The following PRC1 variants were observed in gnomAD, a reference collection of about 807,000 sequenced individuals.
PRC1 encodes protein regulator of cytokinesis 1.
A neutral mutation model predicts 91.2 loss-of-function variants in PRC1; 54 were observed. The ratio of observed to expected loss-of-function variants is 0.59; its 90% CI spans 0.48 to 0.74. PRC1 has a LOEUF of 0.74. Among genes scored for constraint, PRC1 ranks in the 30% least tolerant of loss-of-function variants. PRC1 has a pLI of 0.00. For missense variants in PRC1, 727 were observed against 746.2 expected, an observed-to-expected ratio of 0.97 and a Z score of 0.30; for synonymous variants, 275 against 263.6, an observed-to-expected ratio of 1.04 and a Z score of -0.42.
intron 6 of PRC1, 190 bp from the exon 7 acceptor site, chr15:90,980,579 C>T (rs566191843): frequency 8.5e-5 from 60 of 709,154 alleles, no homozygotes; most frequent in Admixed American, 1.6e-4. Flanking sequence ...AGTGCAGTGG[C>T]GCGATTCTGG....
intron 1 of PRC1, among the ~76,000 whole-genome samples, chr15:90,989,492 C>T (rs1296297902): frequency 1.3e-5 from 2 of 150,676 alleles, no homozygotes; most frequent in Non-Finnish European, 3.0e-5. Flanking sequence ...GCAATCCTCC[C>T]ACCTCGGCCT....
intron 11 of PRC1, among the ~76,000 whole-genome samples, chr15:90,972,329 G>C (rs888522739): frequency 1.3e-5 from 2 of 152,026 alleles, no homozygotes; most frequent in Admixed American, 6.6e-5. Context: ...GCTGCAGTGA[G>C]CCATGATGGC....
At chr15:90,969,239 T>TTAAA in intron 13 of PRC1, 119 bp from the exon 14 acceptor site, 1 of 1,264,304 alleles carries the variant, frequency 7.9e-7, no homozygotes. Context: ...AGGATCCAGG[T>TTAAA]TAAATGTCTA....
In PRC1 at chr15:90,967,004, C is replaced by A. The variant is rs1024418911; in HGVS notation, c.*127G>T. 5.2e-6 allele frequency: 4 copies of A among 773,598 alleles called. No homozygotes were observed. Among genetic ancestry groups the A allele is most frequent in the African/African-American group, 3.5e-5 (2 of 57,632 alleles). The allele number at this position is 773,598 out of a possible 1,614,324, so 47.9% of individuals were successfully genotyped here. On this transcript the variant is annotated 3_prime_UTR_variant, in exon 15 of 15. Transcript: ENST00000394249. The stretch of plus-strand genomic sequence containing the variant: ...CACTCATTCACATCTTTAAGTTAGG[C>A]CCATGGTCATGGAACCTGGCCAAGG...
intron 1 of PRC1, among the ~76,000 whole-genome samples, chr15:90,989,051 G>A (rs766320077): frequency 1.3e-5 from 2 of 152,032 alleles, no homozygotes; most frequent in Non-Finnish European, 2.9e-5. Context: ...TGGCCAATAA[G>A]CACATGAAAA....
At chr15:90,969,206 G>A in intron 13 of PRC1, 86 bp from the exon 14 acceptor site, 1 of 1,418,114 alleles carries the variant, frequency 7.1e-7, no homozygotes, top group Non-Finnish European at 9.9e-7. Flanking sequence ...CCTGCAGCCA[G>A]GGAATGGTAT....
At chr15:90,970,914 A>T (rs1253924089) in intron 11 of PRC1, among the ~76,000 whole-genome samples, 1 of 152,258 alleles carries the variant, frequency 6.6e-6, no homozygotes, top group Non-Finnish European at 1.5e-5. Context: ...AGGTAAGTGG[A>T]CAAGCAAACT....
chr15:90,974,218 G>A lies in PRC1; in HGVS notation c.1379C>T (p.Thr460Ile). Residue 460 changes from threonine to isoleucine, a missense_variant, in exon 11 of 15, where the codon ACA (threonine) becomes ATA (isoleucine). Physicochemically the swap from Thr to Ile is moderately conservative, Grantham distance 89. Coordinates refer to ENST00000394249, the MANE Select transcript of PRC1 (RefSeq NM_003981.4). This position sits in a 1 kb window ranked among gnomAD's most constrained non-coding sequence, Gnocchi z 4.6. The stretch of plus-strand genomic sequence containing the variant: ...AGGAGCGCTGCCATACAGCATCTCT[G>A]TCTCTGTCTGTTTTTTGTTCTTCAG... ...RQLKNKKQTE[T>I]EMLYGSAPRT... 3 of 1,614,178 alleles carry A rather than the reference G, an allele frequency of 1.9e-6. No individual in the cohort carries two copies. The highest frequency in any genetic ancestry group is 2.5e-6 in the Non-Finnish European group (3 of 1,180,004).
intron 9 of PRC1, among the ~76,000 whole-genome samples, chr15:90,976,384 A>C (rs566429128): frequency 1.4e-5 from 2 of 141,744 alleles, no homozygotes; most frequent in Non-Finnish European, 3.2e-5. Flanking sequence ...CCTCATGATC[A>C]AGACCAGGCT....
chr15:90,981,660 G>A lies in PRC1; in HGVS notation c.511C>T (p.Arg171Cys), dbSNP rs573547983. The A allele has an allele frequency of 1.4e-5, 23 of 1,613,182 alleles. 1 individual carries two copies. In the East Asian group the frequency reaches 1.6e-4, roughly 11 times the overall value. ...TTLRETKASR[R>C]EEFVSIKRQI... ...CTCTTTATACTGACAAACTCCTCAC[G>A]CCTAGAAGCCTTTAAAACAAAGCAA... The change falls in exon 5 of 15, where the codon CGT becomes TGT. Residue 171 changes from arginine (R) to cysteine (C), a missense_variant. Arg to Cys is a radical substitution (Grantham distance 180). Coordinates refer to ENST00000394249, the MANE Select transcript of PRC1 (RefSeq NM_003981.4).
chr15:90,967,470 CATACAGTCATGCACTGCATAATGA>C (rs1431135461), intron 14 of PRC1: 25 of 494,532 alleles, frequency 5.1e-5, no homozygotes, highest in Non-Finnish European at 8.5e-5. Context: ...AGAAATCCTT[CATACAGTCATGCACTGCATAATGA>C]TGTTTCAGTT....
In PRC1 at chr15:90,994,492, A is replaced by G; in HGVS notation, c.-75T>C. On this transcript the variant is annotated 5_prime_UTR_variant, in exon 1 of 15. Coordinates refer to ENST00000394249, the MANE Select transcript of PRC1 (RefSeq NM_003981.4). ...GGCCCCGAGAGCAACAACCACCCGC[A>G]AACACCGGCGATGTCACTCCGCGTA... 2 of 1,537,210 alleles carry G rather than the reference A, an allele frequency of 1.3e-6. No individual in the cohort carries two copies. The highest frequency in any genetic ancestry group is 1.8e-5 in the Admixed American group (1 of 54,326).
chr15:90,978,753 CA>C (rs869065052), intron 8 of PRC1, among the ~76,000 whole-genome samples: 43 of 39,702 alleles, frequency 1.1e-3, no homozygotes, highest in Non-Finnish European at 1.6e-3. Flanking sequence ...AACTCCACCT[CA>C]AAAAAAAAAA....
chr15:90,974,132 T>C lies in PRC1; in HGVS notation c.1461+4A>G, dbSNP rs747259704. The C allele has an allele frequency of 2.5e-6, 4 of 1,612,280 alleles. No individual in the cohort carries two copies. In the African/African-American group the frequency reaches 5.3e-5, roughly 22 times the overall value. The stretch of plus-strand genomic sequence containing the variant: ...ATCAGTGTTTCCCTAAGCCTTGTGT[T>C]TACCTTACGTGCTTTGCCCGGTGTA... On this transcript the variant is annotated splice_donor_region_variant and intron_variant, in intron 11 of 14. Transcript: ENST00000394249. The surrounding 1 kb of genome is among the most constrained non-coding windows in gnomAD (Gnocchi z 4.6).
At position 90,984,127 on chromosome 15, in the gene PRC1, A is replaced by G. The variant is rs765378152; in HGVS notation, c.158T>C (p.Met53Thr). 3.7e-6 allele frequency: 6 copies of G among 1,613,986 alleles called. No individual in the cohort carries two copies. Residue 53 changes from methionine to threonine, a missense_variant, in exon 3 of 15, where the codon ATG becomes ACG. By Grantham distance (81) the Met-to-Thr change is moderately conservative. Coordinates refer to ENST00000394249, the MANE Select transcript of PRC1 (RefSeq NM_003981.4). The surrounding 1 kb of genome is among the most constrained non-coding windows in gnomAD (Gnocchi z 5.1). ...CAGGCTTTCCTCTTCAGCAATCATC[A>G]TATCCAGGAGTTCCTACAAGAGGGA... is the stretch of plus-strand genomic sequence containing the variant. ...VKKHIKELLD[M>T]MIAEEESLKE... is the part of the protein sequence containing the mutation.
At chr15:90,987,104 C>T (rs1310260847) in intron 1 of PRC1, among the ~76,000 whole-genome samples, 30 of 118,652 alleles carry the variant, frequency 2.5e-4, no homozygotes, top group South Asian at 1.4e-3. Context: ...TGAGACTCTG[C>T]GTCTTAAAAA....
intron 11 of PRC1, among the ~76,000 whole-genome samples, chr15:90,973,319 G>A (rs1330057422): frequency 5.9e-5 from 9 of 152,242 alleles, no homozygotes; most frequent in Non-Finnish European, 1.0e-4. Flanking sequence ...TTAACAATAT[G>A]TTTACAGGCA....
At position 90,994,417 on chromosome 15, in the gene PRC1, TGGC is replaced by T. The variant is rs752547315; in HGVS notation, c.-3_-1del. The T allele has an allele frequency of 1.9e-6, 3 of 1,611,510 alleles. No individual in the cohort carries two copies. The highest frequency in any genetic ancestry group is 1.1e-5 in the South Asian group (1 of 90,708). On this transcript the variant is annotated 5_prime_UTR_variant, in exon 1 of 15. Transcript: ENST00000394249. ...CCCCGCAACCCGCACCTTCTCCTCA[TGGC>T]GGACGCTCCAAGCAGCCGTGAGTCC... is the stretch of plus-strand genomic sequence containing the variant.
In PRC1 at chr15:90,981,918, G is replaced by A. The variant is rs1020079549; in HGVS notation, c.331C>T (p.Arg111Ter). The A allele has an allele frequency of 6.8e-6, 11 of 1,613,910 alleles. No homozygotes were observed. Among genetic ancestry groups the A allele is most frequent in the South Asian group, 1.1e-5 (1 of 91,078 alleles). ...TGTTTTCTCTCCTTTTTCTGTTTTC[G>A]CATCAATTCCACTTGGGTGCGCAAA... Reference protein sequence around the residue: ...KDLRTQVELMRKQKKERKQEL... With the variant: ...KDLRTQVELM Residue 111 changes from arginine to a stop codon, truncating the protein, a stop_gained, in exon 4 of 15, where the codon CGA (arginine) becomes TGA (stop). Transcript: ENST00000394249. LOFTEE classifies it high-confidence loss of function.
Sources: gnomAD v4.1 joint callset for allele counts (sites outside exome capture counted in the v4.1 genomes callset) on GRCh38, gnomAD v4.1.1 for gene constraint, Gnocchi (gnomAD v3.1) non-coding constraint, MANE v1.5 for transcripts, NCBI Gene and HGNC (gene_info 2026-07-23, HGNC 2026-07-21) for gene names.